Variants in DMD observed in about 807,000 individuals in gnomAD.
DMD encodes mutant dystrophin.
In DMD, 63 loss-of-function variants were observed where a neutral mutation model predicts 330.1. That is an observed-to-expected ratio of 0.19 (90% CI 0.16 to 0.24). The LOEUF (loss-of-function observed/expected upper bound fraction) is 0.24, where lower values mean the gene tolerates loss of function less well. Among genes scored for constraint, DMD ranks in the 10% least tolerant of loss-of-function variants. The pLI is 1.00. For missense variants in DMD, 3,344 were observed against 2,684.1 expected, an observed-to-expected ratio of 1.25 and a Z score of -5.43; for synonymous variants, 1,223 against 959.8, an observed-to-expected ratio of 1.27 and a Z score of -5.07.
chrX:31,890,849 G>A (rs113539412), intron 47 of DMD, among the ~76,000 whole-genome samples: 3 of 110,712 alleles, frequency 2.7e-5, no homozygotes, highest in African/African-American at 9.8e-5. Flanking sequence ...CTATTCCTTT[G>A]CCTTCATCTG....
chrX:31,543,387 T>G (rs889449465), intron 55 of DMD, among the ~76,000 whole-genome samples: 10 of 110,520 alleles, frequency 9.0e-5, no homozygotes, highest in Non-Finnish European at 1.5e-4. Flanking sequence ...GCCAGGATGG[T>G]CTCGAGCTCC....
At chrX:32,592,077 G>A (rs1206171850) in intron 13 of DMD, among the ~76,000 whole-genome samples, 8 of 111,583 alleles carry the variant, frequency 7.2e-5, no homozygotes, top group African/African-American at 1.3e-4. Flanking sequence ...TGGGCCTGCA[G>A]GTACCCCTTG....
At chrX:31,190,930 A>G (rs1218023832) in intron 67 of DMD, among the ~76,000 whole-genome samples, 1 of 111,559 alleles carries the variant, frequency 9.0e-6, no homozygotes, top group African/African-American at 3.3e-5. Flanking sequence ...GGAGGCTACC[A>G]TAGGCCTATT....
At chrX:32,280,144 G>GTATATATATATATATACAGTATATATATA (rs2097412542) in intron 43 of DMD, among the ~76,000 whole-genome samples, 2 of 46,158 alleles carry the variant, frequency 4.3e-5, no homozygotes, top group Admixed American at 2.0e-4. Context: ...TATATATACA[G>GTATATATATATATATACAGTATATATATA]TATATATATA....
At chrX:31,150,477 G>A (rs1361105945) in intron 74 of DMD, among the ~76,000 whole-genome samples, 1 of 112,118 alleles carries the variant, frequency 8.9e-6, no homozygotes, top group Non-Finnish European at 1.9e-5. Context: ...TCCAGTGACT[G>A]ATTAGAACTC....
intron 2 of DMD, among the ~76,000 whole-genome samples, chrX:32,909,521 TAG>T (rs1221124829): frequency 9.0e-6 from 1 of 111,515 alleles, no homozygotes; most frequent in Non-Finnish European, 1.9e-5. Flanking sequence ...GAAGTAACAG[TAG>T]AGAGTCAAGC....
intron 50 of DMD, among the ~76,000 whole-genome samples, chrX:31,789,491 A>C (rs189858808): frequency 9.0e-6 from 1 of 111,599 alleles, no homozygotes; most frequent in East Asian, 2.8e-4. Context: ...AGATCACACA[A>C]ATTTTGCATT....
chrX:31,470,049 T>C (rs988121696), intron 59 of DMD, among the ~76,000 whole-genome samples: 4 of 110,889 alleles, frequency 3.6e-5, no homozygotes, highest in South Asian at 3.9e-4. Flanking sequence ...TCTAAACTGG[T>C]TATTCTAGTT....
At chrX:33,148,966 T>C (rs1255787756) in intron 1 of DMD, among the ~76,000 whole-genome samples, 1 of 110,538 alleles carries the variant, frequency 9.0e-6, no homozygotes, top group African/African-American at 3.3e-5. Flanking sequence ...TAGAATGCAG[T>C]AGAATAGTGG....
chrX:32,049,520 A>G (rs1204266466), intron 44 of DMD, among the ~76,000 whole-genome samples: 2 of 111,293 alleles, frequency 1.8e-5, no homozygotes, highest in Non-Finnish European at 3.8e-5. Context: ...GAAGTGATAC[A>G]TTTATTCCTT....
chrX:31,513,697 G>C (rs1010559709), intron 55 of DMD, among the ~76,000 whole-genome samples: 2 of 111,462 alleles, frequency 1.8e-5, no homozygotes, highest in African/African-American at 3.3e-5. Context: ...GGAAAAGGTA[G>C]TTGTTACATA....
At chrX:31,412,407 C>G (rs1317439247) in intron 60 of DMD, among the ~76,000 whole-genome samples, 6 of 111,721 alleles carry the variant, frequency 5.4e-5, no homozygotes, top group Non-Finnish European at 1.1e-4. Context: ...CTTAGCCTCA[C>G]ATAGATGTAA....
chrX:32,526,888 A>T (rs2046984265), intron 17 of DMD, among the ~76,000 whole-genome samples: 1 of 112,045 alleles, frequency 8.9e-6, no homozygotes, highest in African/African-American at 3.2e-5. Context: ...CACATAACCT[A>T]TTAAACTAAG....
intron 1 of DMD, among the ~76,000 whole-genome samples, chrX:33,249,219 C>T (rs1196834508): frequency 1.8e-5 from 2 of 112,162 alleles, no homozygotes; most frequent in South Asian, 3.7e-4. Context: ...GGCACAATCT[C>T]GGCTCATTGC....
chrX:31,309,889 T>C (rs886586126), intron 62 of DMD, among the ~76,000 whole-genome samples: 8 of 111,705 alleles, frequency 7.2e-5, no homozygotes, highest in Non-Finnish European at 1.3e-4. Flanking sequence ...TATGCCCTAT[T>C]CTCCAGCCAG....
intron 21 of DMD, among the ~76,000 whole-genome samples, chrX:32,480,622 G>GTC (rs766233135): frequency 9.0e-6 from 1 of 111,135 alleles, no homozygotes; most frequent in African/African-American, 3.3e-5. Flanking sequence ...CACAGTATGT[G>GTC]TATATATGTA....
At chrX:32,973,591 T>C (rs370571210) in intron 2 of DMD, among the ~76,000 whole-genome samples, 67 of 112,109 alleles carry the variant, frequency 6.0e-4, no homozygotes, top group African/African-American at 2.1e-3. Flanking sequence ...AGTTCACATG[T>C]AGGCCTTCAG....
At chrX:32,471,511 T>C (rs144182868) in intron 22 of DMD, among the ~76,000 whole-genome samples, 7 of 112,069 alleles carry the variant, frequency 6.2e-5, no homozygotes, top group African/African-American at 2.3e-4. Context: ...CAACTACTAA[T>C]AGATAATATT....
chrX:32,339,480 A>G (rs1326713075), intron 41 of DMD, among the ~76,000 whole-genome samples: 1 of 111,413 alleles, frequency 9.0e-6, no homozygotes, highest in Non-Finnish European at 1.9e-5. Flanking sequence ...TATCATCTCC[A>G]GGTTTGCCCT....
Sources: allele counts gnomAD v4.1 joint callset (sites outside exome capture counted in the v4.1 genomes callset), GRCh38; gene constraint gnomAD v4.1.1; transcripts MANE v1.5; gene names NCBI Gene and HGNC (gene_info 2026-07-23, HGNC 2026-07-21).